The following MYO9A variants were observed in gnomAD, a reference collection of about 807,000 sequenced individuals.
The protein encoded by MYO9A is myosin IXA.
In MYO9A, 103 loss-of-function variants were observed where a neutral mutation model predicts 293.3. The ratio of observed to expected loss-of-function variants is 0.35; its 90% CI spans 0.30 to 0.41. MYO9A has a LOEUF of 0.41. Among genes scored for constraint, MYO9A ranks in the 10% least tolerant of loss-of-function variants. MYO9A has a pLI of 1.00. For synonymous variants in MYO9A, 1,001 were observed against 1,035.7 expected (o/e 0.97, Z 0.64); for missense variants, 2,685 against 3,033.0 (o/e 0.89, Z 2.69).
intron 35 of MYO9A, among the ~76,000 whole-genome samples, chr15:71,852,580 C>G (rs2141373062): frequency 6.6e-6 from 1 of 152,224 alleles, no homozygotes; most frequent in Middle Eastern, 3.4e-3. Context: ...TCAGGCTGGT[C>G]TCGAACTCCC....
chr15:72,032,068 G>A lies in MYO9A; in HGVS notation c.935+426C>T, dbSNP rs552251864. Among the ~76,000 whole-genome samples, 48 of 152,026 alleles carry A rather than the reference G, an allele frequency of 3.2e-4. No individual in the cohort carries two copies. In the South Asian group the frequency reaches 7.7e-3, roughly 24 times the overall value. On this transcript the variant is annotated intron_variant, in intron 3 of 41. Transcript: ENST00000356056. Reference sequence around the variant, plus strand: ...ACTACAGGTTTGCGCCACTGTGCCCGGCTGATTTTTGTTATTTTTTAGTGG... The same window carrying A: ...ACTACAGGTTTGCGCCACTGTGCCCAGCTGATTTTTGTTATTTTTTAGTGG...
chr15:72,080,432 A>G (rs1435741362), intron 1 of MYO9A, among the ~76,000 whole-genome samples: 1 of 151,232 alleles, frequency 6.6e-6, no homozygotes, highest in African/African-American at 2.4e-5. Context: ...GAAGTTATGC[A>G]GCAATTAGCC....
intron 2 of MYO9A, among the ~76,000 whole-genome samples, chr15:72,036,147 C>A (rs1264568901): frequency 6.6e-6 from 1 of 152,124 alleles, no homozygotes; most frequent in African/African-American, 2.4e-5. Flanking sequence ...TTAAAGAAGT[C>A]ATTTAAGCAG....
chr15:72,073,985 C>G (rs1157699428), intron 1 of MYO9A, among the ~76,000 whole-genome samples: 2 of 152,134 alleles, frequency 1.3e-5, no homozygotes, highest in Admixed American at 6.5e-5. Flanking sequence ...TTAGGTCTTA[C>G]AGGTCATATG....
chr15:72,024,638 A>C (rs190303767), intron 4 of MYO9A, among the ~76,000 whole-genome samples: 2 of 152,328 alleles, frequency 1.3e-5, no homozygotes, highest in East Asian at 3.9e-4. Flanking sequence ...GTAATTATAA[A>C]TGTGTTGATG....
intron 15 of MYO9A, among the ~76,000 whole-genome samples, chr15:71,949,420 TG>T (rs1321520253): frequency 4.0e-5 from 6 of 150,892 alleles, no homozygotes; most frequent in Non-Finnish European, 7.4e-5. Flanking sequence ...GGTGTTTTTT[TG>T]TTTTTTTTTT....
intron 9 of MYO9A, among the ~76,000 whole-genome samples, chr15:71,997,299 T>C (rs2076725242): frequency 1.3e-5 from 2 of 152,148 alleles, no homozygotes; most frequent in African/African-American, 4.8e-5. Context: ...AGAGTTTTTA[T>C]ATATTTATTA....
chr15:71,847,538 G>C, intron 39 of MYO9A: 1 of 414,838 alleles, frequency 2.4e-6, no homozygotes, highest in South Asian at 1.6e-5. Context: ...CATTAAAAGA[G>C]AAGGTTTAAT....
At chr15:71,899,126 G>T (rs1359347288) in intron 24 of MYO9A, 94 bp from the exon 25 acceptor site, 4 of 1,197,528 alleles carry the variant, frequency 3.3e-6, no homozygotes, top group Non-Finnish European at 3.5e-6. Context: ...ATGCAGAGTT[G>T]TAAAATCTTT....
At chr15:71,845,536 C>A (rs1305843774) in intron 39 of MYO9A, among the ~76,000 whole-genome samples, 1 of 152,184 alleles carries the variant, frequency 6.6e-6, no homozygotes, top group African/African-American at 2.4e-5. Flanking sequence ...TACTAAGATG[C>A]TATTTGCCAT....
At chr15:72,077,589 G>A (rs1427440949) in intron 1 of MYO9A, among the ~76,000 whole-genome samples, 2 of 151,654 alleles carry the variant, frequency 1.3e-5, no homozygotes, top group African/African-American at 4.8e-5. Flanking sequence ...CTACTCAGGA[G>A]GCTGAGGCAA....
chr15:71,958,775 G>A (rs2059260510), intron 14 of MYO9A: 1 of 152,186 alleles, frequency 6.6e-6, no homozygotes, highest in Non-Finnish European at 1.5e-5. Context: ...ACTTTATCAA[G>A]GTAGAGAAAA....
chr15:71,836,661 A>G (rs951726127), intron 39 of MYO9A, among the ~76,000 whole-genome samples: 1 of 152,100 alleles, frequency 6.6e-6, no homozygotes, highest in African/African-American at 2.4e-5. Context: ...CAAAATATGA[A>G]TAAGTCTTAC....
In MYO9A at chr15:71,897,734, G is replaced by A; in HGVS notation, c.4769C>T (p.Ser1590Phe). Residue 1590 changes from serine (S) to phenylalanine (F), a missense_variant, in exon 25 of 42, where the codon TCC becomes TTC. Around this residue, in one of 10 missense-constraint regions of MYO9A, gnomAD observed 1,434 missense variants for 1,497.7 expected, o/e 0.96. Transcript: ENST00000356056. ...GTCCTTTGGGGGTAAGTGAGCAGAG[G>A]AACTGTCTTTTTGGGCAAGAGCTGC... ...KDAALAQKDSSSAHLPPKDRP... is the reference protein window; with the variant it reads ...KDAALAQKDSFSAHLPPKDRP... 6.2e-7 allele frequency: 1 copy of A among 1,614,098 alleles called. No homozygotes were observed. Among genetic ancestry groups the A allele is most frequent in the Non-Finnish European group, 8.5e-7 (1 of 1,180,030 alleles).
At chr15:72,074,903 G>A (rs979182786) in intron 1 of MYO9A, among the ~76,000 whole-genome samples, 3 of 145,136 alleles carry the variant, frequency 2.1e-5, no homozygotes, top group Admixed American at 1.4e-4. Context: ...TGAGGAATTA[G>A]CATGTCTTTT....
At chr15:72,004,195 C>A (rs1408797488) in intron 8 of MYO9A, among the ~76,000 whole-genome samples, 4 of 152,184 alleles carry the variant, frequency 2.6e-5, no homozygotes, top group African/African-American at 9.7e-5. Context: ...GAACAAGTAG[C>A]AATGGGTTCA....
At chr15:72,106,883 T>C (rs1251259429) in intron 1 of MYO9A, among the ~76,000 whole-genome samples, 3 of 152,228 alleles carry the variant, frequency 2.0e-5, no homozygotes, top group South Asian at 2.1e-4. Flanking sequence ...CTTTTGAACA[T>C]AGTACTACTT....
At chr15:71,914,305 C>A (rs1452349747) in intron 19 of MYO9A, among the ~76,000 whole-genome samples, 2 of 152,128 alleles carry the variant, frequency 1.3e-5, no homozygotes, top group African/African-American at 2.4e-5. Context: ...TTACTAATAT[C>A]TGAAAATATT....
intron 18 of MYO9A, among the ~76,000 whole-genome samples, 187 bp from the exon 19 acceptor site, chr15:71,916,679 AAAAAG>A (rs1334167841): frequency 6.6e-6 from 1 of 152,208 alleles, no homozygotes; most frequent in Non-Finnish European, 1.5e-5. Context: ...CTAGAAAGCT[AAAAAG>A]AAAAGTACAC....
Sources: allele counts gnomAD v4.1 joint callset (sites outside exome capture counted in the v4.1 genomes callset), GRCh38; gene constraint gnomAD v4.1.1; regional missense constraint gnomAD v4.1.1; transcripts MANE v1.5; gene names NCBI Gene and HGNC (gene_info 2026-07-23, HGNC 2026-07-21).